Variants in CD276 observed in about 807,000 individuals in gnomAD.
The protein encoded by CD276 is CD276 antigen.
In CD276, 34 loss-of-function variants were observed where a neutral mutation model predicts 50.0. That is an observed-to-expected ratio of 0.68 (90% confidence interval 0.52 to 0.91). The LOEUF (loss-of-function observed/expected upper bound fraction) is 0.91, where lower values mean the gene tolerates loss of function less well. Among genes scored for constraint, CD276 ranks in the 40% least tolerant of loss-of-function variants. The pLI is 0.00. For missense variants in CD276, 634 were observed against 717.5 expected (o/e 0.88, Z 1.33); for synonymous variants, 275 against 313.0 (o/e 0.88, Z 1.28).
intron 1 of CD276, among the ~76,000 whole-genome samples, chr15:73,698,956 A>G (rs960359381): frequency 8.5e-5 from 13 of 152,166 alleles, no homozygotes; most frequent in African/African-American, 2.7e-4. Context: ...TACCTAGATT[A>G]TGTGTGATTA....
At chr15:73,698,050 T>C (rs1001152364) in intron 1 of CD276, among the ~76,000 whole-genome samples, 1 of 152,002 alleles carries the variant, frequency 6.6e-6, no homozygotes, top group Admixed American at 6.6e-5. Context: ...AGGGACAAGG[T>C]GTGTGCAGCC....
chr15:73,702,358 A>C lies in CD276; in HGVS notation c.183A>C (p.Ala61=). 3 of 1,613,642 alleles carry C rather than the reference A, an allele frequency of 1.9e-6. No homozygotes were observed. The highest frequency in any genetic ancestry group is 8.5e-7 in the Non-Finnish European group (1 of 1,180,014). ...SFSPEPGFSL[A]QLNLIWQLTD... ...CCCCTGAGCCTGGCTTCAGCCTGGCACAGCTCAACCTCATCTGGCAGCTGA... is the reference window on the plus strand; with the variant it reads ...CCCCTGAGCCTGGCTTCAGCCTGGCCCAGCTCAACCTCATCTGGCAGCTGA... The change falls in exon 3 of 10, where the codon GCA becomes GCC. Residue 61 remains alanine, a synonymous_variant. Coordinates refer to ENST00000318443, the MANE Select transcript of CD276 (RefSeq NM_001024736.2).
chr15:73,713,636 C>A lies in CD276; in HGVS notation c.*680C>A, dbSNP rs79829424. 863 of 377,094 alleles carry A rather than the reference C, an allele frequency of 2.3e-3. 7 individuals carry two copies. Among genetic ancestry groups the A allele is most frequent in the African/African-American group, 0.018 (796 of 45,056 alleles). 23.4% of individuals were successfully genotyped at this position (377,094 alleles called of 1,614,324 possible). A position where few individuals can be genotyped will look rare whatever the true frequency, so the allele number is the denominator to read the frequency against. On this transcript the variant is annotated 3_prime_UTR_variant, in exon 10 of 10. Coordinates refer to ENST00000318443, the MANE Select transcript of CD276 (RefSeq NM_001024736.2). ...CCACATGCACAGCTGTGCATGGAGA[C>A]CTGCAGGTGCACGTGCTGGAACACG...
At chr15:73,685,498 G>A (rs1353654508) in intron 1 of CD276, among the ~76,000 whole-genome samples, 2 of 144,104 alleles carry the variant, frequency 1.4e-5, no homozygotes, top group East Asian at 2.3e-4. Context: ...TGTGTGTGGC[G>A]GGTGGGGGGG....
At chr15:73,706,463 G>A (rs79485133) in intron 6 of CD276, among the ~76,000 whole-genome samples, 1 of 132,530 alleles carries the variant, frequency 7.5e-6, no homozygotes, top group Non-Finnish European at 1.8e-5. Flanking sequence ...TGGAGGGTTC[G>A]CTGCCTCTCT....
intron 4 of CD276, 135 bp from the exon 5 acceptor site, chr15:73,703,524 T>A: frequency 1.3e-6 from 1 of 742,542 alleles, no homozygotes; most frequent in East Asian, 2.7e-5. Context: ...CTTAATCTGC[T>A]TTTGCATCTA....
At chr15:73,691,759 CG>C (rs781665496) in intron 1 of CD276, among the ~76,000 whole-genome samples, 6 of 152,162 alleles carry the variant, frequency 3.9e-5, no homozygotes, top group Non-Finnish European at 8.8e-5. Flanking sequence ...AAGACGGAGA[CG>C]ATCTGCTCGG....
chr15:73,708,585 G>A, intron 7 of CD276, 112 bp downstream of exon 7: 1 of 1,284,300 alleles, frequency 7.8e-7, no homozygotes, highest in South Asian at 1.4e-5. Flanking sequence ...ACGAGTGTGT[G>A]TGTGCAGATG....
Position 73,704,424 on chromosome 15 carries a change from C to T in CD276, c.1321C>T (p.Arg441Cys), listed in dbSNP as rs558691012. 1.9e-5 allele frequency: 30 copies of T among 1,613,944 alleles called. No individual in the cohort carries two copies. Among genetic ancestry groups the T allele is most frequent in the African/African-American group, 1.6e-4 (12 of 75,046 alleles). ...GAATGGCACCTACAGCTGCCTGGTGCGCAACCCCGTGCTGCAGCAGGATGC... is the reference window on the plus strand; with the variant it reads ...GAATGGCACCTACAGCTGCCTGGTGTGCAACCCCGTGCTGCAGCAGGATGC... ...GANGTYSCLV[R>C]NPVLQQDAHG... Residue 441 changes from arginine (R) to cysteine (C), a missense_variant, in exon 6 of 10, where the codon CGC (arginine) becomes TGC (cysteine). Physicochemically the swap from Arg to Cys is radical, Grantham distance 180 (BLOSUM62 -3). Transcript: ENST00000318443. This position sits in a 1 kb window ranked among gnomAD's most constrained non-coding sequence, Gnocchi z 4.1.
At position 73,702,929 on chromosome 15, in the gene CD276, G is replaced by A. The variant is rs775878704; in HGVS notation, c.576G>A (p.Thr192=). ...QGVPLTGNVT[T]SQMANEQGLF... ...TGCCCCTGACTGGCAACGTGACCAC[G>A]TCGCAGATGGCCAACGAGCAGGGCT... The change falls in exon 4 of 10, where the codon ACG becomes ACA. Residue 192 remains threonine, a synonymous_variant. Transcript: ENST00000318443. 7.4e-6 allele frequency: 12 copies of A among 1,614,036 alleles called. No individual in the cohort carries two copies. Among genetic ancestry groups the A allele is most frequent in the African/African-American group, 1.3e-5 (1 of 74,938 alleles).
At chr15:73,709,548 G>A in intron 7 of CD276, 100 bp from the exon 8 acceptor site, 1 of 1,205,318 alleles carries the variant, frequency 8.3e-7, no homozygotes, top group Middle Eastern at 2.1e-4. Flanking sequence ...GCCCACTCAG[G>A]CCCTGTTCAC....
chr15:73,712,433 G>A (rs1402235253), intron 9 of CD276, among the ~76,000 whole-genome samples: 1 of 152,236 alleles, frequency 6.6e-6, no homozygotes, highest in Non-Finnish European at 1.5e-5. Flanking sequence ...CAGATGCAGA[G>A]TGGGGTCTGA....
In CD276 at chr15:73,714,342, C is replaced by G. The variant is rs1337044789; in HGVS notation, c.*1386C>G. ...CAGTCTTTTCCTGGCTTGCCTCTGG[C>G]CAGCTCCTGGCCTCTGGTAGAGTGA... On this transcript the variant is annotated 3_prime_UTR_variant, in exon 10 of 10. Transcript: ENST00000318443. 1.3e-5 allele frequency: 2 copies of G among 155,878 alleles called. No individual in the cohort carries two copies. The highest frequency in any genetic ancestry group is 2.8e-5 in the Non-Finnish European group (2 of 70,646). 9.7% of individuals were successfully genotyped at this position (155,878 alleles called of 1,614,324 possible).
At chr15:73,712,811 C>T in intron 9 of CD276, 123 bp from the exon 10 acceptor site, 2 of 1,004,766 alleles carry the variant, frequency 2.0e-6, no homozygotes, top group South Asian at 3.0e-5. Flanking sequence ...GCTGCTGTCT[C>T]ACACACACTC....
intron 6 of CD276, among the ~76,000 whole-genome samples, chr15:73,707,814 C>T (rs907052060): frequency 6.6e-6 from 1 of 152,174 alleles, no homozygotes; most frequent in African/African-American, 2.4e-5. Flanking sequence ...GAGATGTCAC[C>T]AGGTAGGGCT....
intron 1 of CD276, among the ~76,000 whole-genome samples, chr15:73,692,372 G>A (rs1227070435): frequency 6.6e-6 from 1 of 152,130 alleles, no homozygotes; most frequent in African/African-American, 2.4e-5. Context: ...TTTTTAATAT[G>A]AAAATGTGGG....
chr15:73,702,655 C>G, intron 3 of CD276, 62 bp downstream of exon 3: 1 of 1,559,692 alleles, frequency 6.4e-7, no homozygotes, highest in Non-Finnish European at 8.7e-7. Context: ...TGCAGCCCAC[C>G]CCCTGCTGCA....
chr15:73,709,076 G>T (rs746411160), intron 7 of CD276, among the ~76,000 whole-genome samples: 7 of 152,130 alleles, frequency 4.6e-5, no homozygotes, highest in Non-Finnish European at 8.8e-5. Context: ...GGAGAGGGAA[G>T]AAGAGTGGTC....
intron 1 of CD276, among the ~76,000 whole-genome samples, chr15:73,693,623 G>A (rs1185082158): frequency 6.6e-6 from 1 of 152,136 alleles, no homozygotes; most frequent in Non-Finnish European, 1.5e-5. Context: ...GTTATTTTGG[G>A]TTATTTTGGT....
Sources: gnomAD v4.1 joint callset for allele counts (sites outside exome capture counted in the v4.1 genomes callset) on GRCh38, gnomAD v4.1.1 for gene constraint, Gnocchi (gnomAD v3.1) non-coding constraint, MANE v1.5 for transcripts, NCBI Gene and HGNC (gene_info 2026-07-23, HGNC 2026-07-21) for gene names.